The following MTTP variants were observed in gnomAD, a reference collection of about 807,000 sequenced individuals.
The protein encoded by MTTP is microsomal triglyceride transfer protein large subunit.
MTTP carries 49 observed loss-of-function variants against 90.6 expected under a neutral mutation model. The ratio of observed to expected loss-of-function variants is 0.54; its 90% CI spans 0.43 to 0.69. MTTP has a LOEUF of 0.69. Ranked by LOEUF, MTTP falls within the 30% of genes least tolerant of loss-of-function variation. The pLI, the probability that MTTP is intolerant of heterozygous loss-of-function variation, is 0.00. For synonymous variants in MTTP, 347 were observed against 384.2 expected (o/e 0.90, Z 1.13); for missense variants, 945 against 1,067.5 (o/e 0.89, Z 1.60).
chr4:99,615,744 G>A (rs1726082571), intron 15 of MTTP, among the ~76,000 whole-genome samples: 1 of 152,214 alleles, frequency 6.6e-6, no homozygotes, highest in Non-Finnish European at 1.5e-5. Context: ...AGAGAAAGAT[G>A]TCTCATAAAG....
At chr4:99,605,357 CA>C (rs924348289) in intron 10 of MTTP, among the ~76,000 whole-genome samples, 6 of 152,154 alleles carry the variant, frequency 3.9e-5, no homozygotes, top group African/African-American at 1.4e-4. Flanking sequence ...TTGTATCTTA[CA>C]TTTTTCACTT....
intron 1 of MTTP, among the ~76,000 whole-genome samples, chr4:99,577,331 TGTG>T (rs1215510571): frequency 5.9e-5 from 9 of 151,604 alleles, no homozygotes; most frequent in Non-Finnish European, 1.2e-4. Flanking sequence ...TGAGGCTGGG[TGTG>T]GTGGCTCATG....
chr4:99,617,629 A>G (rs1160310843), intron 15 of MTTP, among the ~76,000 whole-genome samples: 1 of 152,198 alleles, frequency 6.6e-6, no homozygotes, highest in African/African-American at 2.4e-5. Flanking sequence ...TCTCAAAATC[A>G]TTATCACTTC....
chr4:99,585,550 GTTA>G (rs1445967848), intron 3 of MTTP, among the ~76,000 whole-genome samples: 4 of 152,008 alleles, frequency 2.6e-5, no homozygotes, highest in Non-Finnish European at 5.9e-5. Flanking sequence ...AAGAAATATT[GTTA>G]TTTTCTTCTC....
chr4:99,599,007 A>T (rs1039994586), intron 8 of MTTP, among the ~76,000 whole-genome samples: 1 of 152,156 alleles, frequency 6.6e-6, no homozygotes, highest in Non-Finnish European at 1.5e-5. Context: ...CACTTTCAAC[A>T]TCTGTAAAAT....
At chr4:99,571,223 A>G (rs771644157), upstream of MTTP, among the ~76,000 whole-genome samples, 52 of 151,980 alleles carry the variant, frequency 3.4e-4, no homozygotes, top group Non-Finnish European at 5.6e-4. Flanking sequence ...TCATATTTTT[A>G]TATCTACATA....
chr4:99,579,449 G>A (rs1250127008), intron 1 of MTTP, among the ~76,000 whole-genome samples: 1 of 152,144 alleles, frequency 6.6e-6, no homozygotes, highest in Non-Finnish European at 1.5e-5. Context: ...TCTGTGAGGG[G>A]AAGGGGTAGA....
At chr4:99,603,126 A>G (rs1473997620) in intron 10 of MTTP, among the ~76,000 whole-genome samples, 1 of 152,178 alleles carries the variant, frequency 6.6e-6, no homozygotes, top group Non-Finnish European at 1.5e-5. Context: ...ACAATAATGT[A>G]TGAAAAGGCC....
intron 4 of MTTP, 140 bp from the exon 5 acceptor site, chr4:99,591,095 G>A (rs1725405843): frequency 1.4e-6 from 1 of 706,670 alleles, no homozygotes; most frequent in Non-Finnish European, 2.5e-6. Context: ...CCTTGTTCTT[G>A]TCTTTGTATC....
At chr4:99,594,961 A>C in intron 7 of MTTP, 78 bp downstream of exon 7, 1 of 1,543,234 alleles carries the variant, frequency 6.5e-7, no homozygotes, top group Non-Finnish European at 8.9e-7. Flanking sequence ...GCATCAACTC[A>C]TTCAATGAAG....
At position 99,621,187 on chromosome 4, in the gene MTTP, A is replaced by G. The variant is rs1183350048; in HGVS notation, c.2469A>G (p.Pro823=). The G allele has an allele frequency of 3.1e-6, 5 of 1,614,090 alleles. No homozygotes were observed. Among genetic ancestry groups the G allele is most frequent in the Non-Finnish European group, 4.2e-6 (5 of 1,179,956 alleles). The change falls in exon 17 of 18, where the codon CCA becomes CCG. Residue 823 remains proline (P), a synonymous_variant. Transcript: ENST00000265517. The part of the protein sequence containing the change: ...FISTVQFSQY[P]FLVCMQMDKD... ...CCACAGTGCAGTTTTCTCAGTACCC[A>G]TTCTTAGTTTGCATGCAGATGGACA... is the stretch of plus-strand genomic sequence containing the variant.
At chr4:99,610,076 G>A (rs998204369) in intron 12 of MTTP, among the ~76,000 whole-genome samples, 1 of 152,078 alleles carries the variant, frequency 6.6e-6, no homozygotes, top group Non-Finnish European at 1.5e-5. Flanking sequence ...AGAGTGGGGA[G>A]GAACACTAAA....
chr4:99,597,864 A>T (rs964967748), intron 8 of MTTP, among the ~76,000 whole-genome samples: 17 of 152,226 alleles, frequency 1.1e-4, no homozygotes, highest in Non-Finnish European at 2.1e-4. Flanking sequence ...TTAGTCTATC[A>T]TACAGAATTT....
chr4:99,618,852 C>G (rs1726162156), intron 15 of MTTP, 122 bp from the exon 16 acceptor site: 1 of 1,331,076 alleles, frequency 7.5e-7, no homozygotes, highest in Non-Finnish European at 1.1e-6. Flanking sequence ...GAGAAAGACT[C>G]CAACATCAAC....
intron 12 of MTTP, 142 bp downstream of exon 12, chr4:99,609,119 A>C (rs1159527905): frequency 1.3e-6 from 1 of 779,882 alleles, no homozygotes; most frequent in Non-Finnish European, 2.2e-6. Context: ...TTCCCATAAT[A>C]GGGCTATTTA....
chr4:99,569,229 A>G (rs1422184636), intron 1 of MTTP, among the ~76,000 whole-genome samples: 1 of 152,080 alleles, frequency 6.6e-6, no homozygotes, highest in African/African-American at 2.4e-5. Flanking sequence ...ACCTCAGTCA[A>G]ATCATGAGAA....
chr4:99,602,723 C>T (rs564715751), intron 10 of MTTP, among the ~76,000 whole-genome samples: 6 of 152,112 alleles, frequency 3.9e-5, no homozygotes, highest in Admixed American at 2.0e-4. Flanking sequence ...TTATATTTTT[C>T]AATTTCCATA....
intron 10 of MTTP, 147 bp from the exon 11 acceptor site, chr4:99,606,601 T>C: frequency 1.3e-6 from 1 of 747,354 alleles, no homozygotes; most frequent in South Asian, 1.5e-5. Flanking sequence ...TGTTTGCTTT[T>C]ATTCCACTGT....
chr4:99,574,684 T>C (rs1449048905), upstream of MTTP: 2 of 960,846 alleles, frequency 2.1e-6, no homozygotes, highest in East Asian at 5.4e-5. Flanking sequence ...TTAAAAAGAG[T>C]GAGAGACTGA....
Sources: gnomAD v4.1 joint callset for allele counts (sites outside exome capture counted in the v4.1 genomes callset) on GRCh38, gnomAD v4.1.1 for gene constraint, MANE v1.5 for transcripts, NCBI Gene and HGNC (gene_info 2026-07-23, HGNC 2026-07-21) for gene names.